Variants in CLEC4C observed in about 807,000 individuals in gnomAD.
The protein encoded by CLEC4C is C-type (calcium dependent, carbohydrate-recognition domain) lectin, superfamily member 11.
CLEC4C carries 17 observed loss-of-function variants against 27.7 expected under a neutral mutation model. The observed-to-expected ratio is 0.61, with a 90% confidence interval of 0.42 to 0.92. The LOEUF (loss-of-function observed/expected upper bound fraction) is 0.92, where lower values mean the gene tolerates loss of function less well. Among genes scored for constraint, CLEC4C ranks in the 40% least tolerant of loss-of-function variants. The pLI, the probability that CLEC4C is intolerant of heterozygous loss-of-function variation, is 0.00. For missense variants in CLEC4C, 244 were observed against 257.3 expected (o/e 0.95, Z 0.35); for synonymous variants, 80 against 80.8 (o/e 0.99, Z 0.06).
intron 2 of CLEC4C, among the ~76,000 whole-genome samples, 186 bp downstream of exon 2, chr12:7,746,145 G>GC (rs1864973149): frequency 6.7e-6 from 1 of 150,328 alleles, no homozygotes; most frequent in South Asian, 2.1e-4. Context: ...AACCCGGGAG[G>GC]TGAGCTTGCA....
chr12:7,742,020 C>CAG (rs1555105671), intron 2 of CLEC4C, among the ~76,000 whole-genome samples: 1 of 149,994 alleles, frequency 6.7e-6, no homozygotes, highest in East Asian at 2.0e-4. Context: ...GACTGTGTCT[C>CAG]AAAAAAACAA....
At chr12:7,731,388 A>T (rs1781969165) in intron 4 of CLEC4C, among the ~76,000 whole-genome samples, 1 of 152,132 alleles carries the variant, frequency 6.6e-6, no homozygotes, top group Non-Finnish European at 1.5e-5. Flanking sequence ...TCTGTAAGAG[A>T]GTGGGCCTCT....
rs1303728843 is a variant in CLEC4C at position 7,746,422 on chromosome 12, C to G, written c.33G>C (p.Glu11Asp). The change falls in exon 2 of 6, where the codon GAG becomes GAC. Residue 11 changes from glutamate (E) to aspartate (D), a missense_variant and splice_region_variant. Physicochemically the swap from Glu to Asp is conservative, Grantham distance 45 (BLOSUM62 2). Transcript: ENST00000360345. ...TCAACTGGAACCACCAGAGTCCTTTCTCTGTCAGATCAGCATGACAAATGC... is the reference window on the plus strand; with the variant it reads ...TCAACTGGAACCACCAGAGTCCTTTGTCTGTCAGATCAGCATGACAAATGC... MVPEEEPQDREKGLWWFQLKV... is the reference protein window; with the variant it reads MVPEEEPQDRDKGLWWFQLKV... 1.2e-6 allele frequency: 2 copies of G among 1,607,654 alleles called. No individual in the cohort carries two copies. The highest frequency in any genetic ancestry group is 1.7e-6 in the Non-Finnish European group (2 of 1,174,436).
chr12:7,733,852 G>A lies in CLEC4C; in HGVS notation c.382-2940C>T, dbSNP rs746300049. Among the ~76,000 whole-genome samples, 5 of 151,886 alleles carry A rather than the reference G, an allele frequency of 3.3e-5. No individual in the cohort carries two copies. The South Asian group carries it at 1.0e-3, about 31-fold the overall frequency. The stretch of plus-strand genomic sequence containing the variant: ...CGCCTCCCAACATGCTGAGATTACA[G>A]GCGTGAGCCACCACACCCAGCCGTC... On this transcript the variant is annotated intron_variant, in intron 4 of 5. Coordinates refer to ENST00000360345, the MANE Select transcript of CLEC4C (RefSeq NM_001371390.1).
Position 7,737,570 on chromosome 12 carries a change from C to T in CLEC4C, c.240G>A (p.Trp80Ter). 1 of 1,612,652 alleles carries T rather than the reference C, an allele frequency of 6.2e-7. No individual in the cohort carries two copies. The highest frequency in any genetic ancestry group is 1.3e-5 in the African/African-American group (1 of 74,976). ...AAGTCCAAGGGGTTGGGCAGCAGCTCCAATCTTCCCAAATGAGTATAGAAG... is the reference window on the plus strand; with the variant it reads ...AAGTCCAAGGGGTTGGGCAGCAGCTTCAATCTTCCCAAATGAGTATAGAAG... ...CVMEGKDIED[W>*]SCCPTPWTSF... is the part of the protein sequence containing the mutation. Residue 80 changes from tryptophan to a stop codon, truncating the protein, a stop_gained, in exon 4 of 6, where the codon TGG becomes TGA. Transcript: ENST00000360345. LOFTEE classifies it high-confidence loss of function.
intron 5 of CLEC4C, 108 bp from the exon 6 acceptor site, chr12:7,729,848 C>G: frequency 1.1e-6 from 1 of 933,834 alleles, no homozygotes; most frequent in Non-Finnish European, 1.6e-6. Flanking sequence ...GTCACGTCTA[C>G]CCAAACCACC....
At chr12:7,738,634 A>G (rs7134111) in intron 3 of CLEC4C, among the ~76,000 whole-genome samples, 34,653 of 151,798 alleles carry the variant, frequency 0.23, 4,622 homozygotes, top group East Asian at 0.37. Flanking sequence ...AAGTAGCTGG[A>G]ACCACAGGGG....
At chr12:7,739,544 C>G (rs1018729913) in intron 3 of CLEC4C, among the ~76,000 whole-genome samples, 9 of 152,140 alleles carry the variant, frequency 5.9e-5, no homozygotes, top group Middle Eastern at 3.2e-3. Flanking sequence ...TGTAGGCAGT[C>G]CCTGATCCTG....
At chr12:7,733,064 TACA>T (rs1359507449) in intron 4 of CLEC4C, among the ~76,000 whole-genome samples, 14 of 152,196 alleles carry the variant, frequency 9.2e-5, no homozygotes, top group African/African-American at 2.9e-4. Flanking sequence ...ACGTAAATTT[TACA>T]ACTACTACTG....
chr12:7,735,902 T>C (rs943897221), intron 4 of CLEC4C, among the ~76,000 whole-genome samples: 1 of 152,098 alleles, frequency 6.6e-6, no homozygotes, highest in Non-Finnish European at 1.5e-5. Context: ...AGAAGCAAGA[T>C]CAATTCTAGA....
At chr12:7,730,639 T>TA (rs80129912) in intron 5 of CLEC4C, 158 bp downstream of exon 5, 32,166 of 285,550 alleles carry the variant, frequency 0.11, 1,261 homozygotes, top group South Asian at 0.16. Context: ...GACTCTTGTC[T>TA]AAAAAAAAAA....
In CLEC4C at chr12:7,737,529, C is replaced by CAACTAGACTGAAATG. The variant is rs781714231; in HGVS notation, c.266_280dup (p.Ser89_Ser93dup). The CAACTAGACTGAAATG allele has an allele frequency of 1.9e-6, 3 of 1,613,880 alleles. No individual in the cohort carries two copies. The highest frequency in any genetic ancestry group is 2.2e-5 in the South Asian group (2 of 91,060). ...TTGCATCCCAGTAGAAATAAAGTAG[C>CAACTAGACTGAAATG]AACTAGACTGAAATGAAGTCCAAGG... On this transcript the variant is annotated inframe_insertion, in exon 4 of 6. Coordinates refer to ENST00000360345, the MANE Select transcript of CLEC4C (RefSeq NM_001371390.1).
chr12:7,729,704 C>T lies in CLEC4C; in HGVS notation c.534G>A (p.Glu178=). Residue 178 remains glutamate (E), a synonymous_variant, in exon 6 of 6, where the codon GAG becomes GAA. Transcript: ENST00000360345. ...WHSGEPNNLD[E]RCAIINFRSS... ...AACGGAAATTTATTATCGCACAACG[C>T]TCATCAAGGTTATTGGGTTCACCTG... 4 of 1,613,824 alleles carry T rather than the reference C, an allele frequency of 2.5e-6. No homozygotes were observed. Among genetic ancestry groups the T allele is most frequent in the Non-Finnish European group, 2.5e-6 (3 of 1,179,800 alleles).
chr12:7,739,260 C>A (rs977790266), intron 3 of CLEC4C, among the ~76,000 whole-genome samples: 3 of 151,474 alleles, frequency 2.0e-5, no homozygotes, highest in African/African-American at 7.3e-5. Context: ...CTACAGGTGC[C>A]CGCCACCACG....
chr12:7,743,554 T>G (rs1032151311), intron 2 of CLEC4C, among the ~76,000 whole-genome samples: 3 of 141,484 alleles, frequency 2.1e-5, no homozygotes, highest in Admixed American at 7.5e-5. Context: ...CCGGCTAATT[T>G]TTTTTGTATT....
chr12:7,739,535 G>A (rs1864806516), intron 3 of CLEC4C, among the ~76,000 whole-genome samples: 1 of 152,106 alleles, frequency 6.6e-6, no homozygotes, highest in South Asian at 2.1e-4. Context: ...ATACGACGCT[G>A]TAGGCAGTCC....
At chr12:7,730,362 CG>C (rs1291748094) in intron 5 of CLEC4C, among the ~76,000 whole-genome samples, 1 of 152,022 alleles carries the variant, frequency 6.6e-6, no homozygotes, top group African/African-American at 2.4e-5. Context: ...CATAAATGGC[CG>C]GGGATGGTGG....
At chr12:7,747,390 T>C, upstream of CLEC4C, 2 of 1,605,282 alleles carry the variant, frequency 1.2e-6, no homozygotes, top group Non-Finnish European at 1.7e-6. Context: ...ATCAGGTGGG[T>C]GCAGAAGCTC....
At chr12:7,733,034 G>A (rs1283026255) in intron 4 of CLEC4C, among the ~76,000 whole-genome samples, 1 of 151,964 alleles carries the variant, frequency 6.6e-6, no homozygotes, top group Non-Finnish European at 1.5e-5. Context: ...ATTATGCCAT[G>A]AGTTTGCATA....
Sources: gnomAD v4.1 joint callset for allele counts (sites outside exome capture counted in the v4.1 genomes callset) on GRCh38, gnomAD v4.1.1 for gene constraint, MANE v1.5 for transcripts, NCBI Gene and HGNC (gene_info 2026-07-23, HGNC 2026-07-21) for gene names.